The following MEMO1 variants were observed in gnomAD, a reference collection of about 807,000 sequenced individuals.
MEMO1 encodes mediator of cell motility 1.
A neutral mutation model predicts 45.2 loss-of-function variants in MEMO1; 6 were observed. The observed-to-expected ratio is 0.13, with a 90% CI of 0.07 to 0.26. MEMO1 has a LOEUF of 0.26. MEMO1 is among the 10% of genes least tolerant of loss of function. The probability of loss-of-function intolerance (pLI) is 1.00; values close to 1 mark genes in which losing one functional copy is unlikely to be tolerated. For synonymous variants in MEMO1, 78 were observed against 124.3 expected (o/e 0.63, Z 2.48); for missense variants, 184 against 370.5 (o/e 0.50, Z 4.13).
intron 6 of MEMO1, among the ~76,000 whole-genome samples, chr2:31,917,116 G>A (rs1015416223): frequency 6.6e-6 from 1 of 152,110 alleles, no homozygotes; most frequent in Non-Finnish European, 1.5e-5. Context: ...TATTTACTGA[G>A]AGCGTACAGA....
chr2:32,007,548 A>G (rs1019032822), intron 2 of MEMO1, among the ~76,000 whole-genome samples: 4 of 145,644 alleles, frequency 2.7e-5, no homozygotes, highest in Non-Finnish European at 4.5e-5. Context: ...ATGTACACAC[A>G]CTTTTTTTCT....
intron 6 of MEMO1, among the ~76,000 whole-genome samples, chr2:31,914,061 T>C (rs993128624): frequency 4.6e-5 from 7 of 152,068 alleles, no homozygotes; most frequent in African/African-American, 1.2e-4. Flanking sequence ...GAAGGGTGAG[T>C]GTCAACAGGC....
chr2:31,919,188 G>A (rs759209916), intron 5 of MEMO1, among the ~76,000 whole-genome samples: 1 of 151,762 alleles, frequency 6.6e-6, no homozygotes, highest in Non-Finnish European at 1.5e-5. Flanking sequence ...CTGGGTGACA[G>A]CATTTTGCTG....
At position 31,935,314 on chromosome 2, in the gene MEMO1, C is replaced by T. The variant is rs78899910; in HGVS notation, c.144-3179G>A. On this transcript the variant is annotated intron_variant, in intron 3 of 9. Coordinates refer to ENST00000404530, the MANE Select transcript of MEMO1 (RefSeq NM_001301833.4). ...ATAGGAAAAGCAATAAGCCTGAAAA[C>T]GAGAATTCTTACAGAGCATATACCC... is the stretch of plus-strand genomic sequence containing the variant. Among the ~76,000 whole-genome samples, 922 of 152,202 alleles carry T rather than the reference C, an allele frequency of 6.1e-3. 12 individuals carry two copies. Among genetic ancestry groups the T allele is most frequent in the African/African-American group, 0.021 (863 of 41,508 alleles).
intron 2 of MEMO1, among the ~76,000 whole-genome samples, chr2:31,964,729 A>AAAAATT (rs1280168957): frequency 1.3e-5 from 2 of 151,938 alleles, no homozygotes; most frequent in Non-Finnish European, 2.9e-5. Context: ...AATAAATAAT[A>AAAAATT]AAAATTAAAA....
chr2:31,939,273 T>C (rs1391463157), intron 3 of MEMO1, among the ~76,000 whole-genome samples: 4 of 152,206 alleles, frequency 2.6e-5, no homozygotes, highest in Non-Finnish European at 5.9e-5. Context: ...TTTATGTTTT[T>C]ATATGTTTAT....
intron 2 of MEMO1, among the ~76,000 whole-genome samples, chr2:31,964,380 G>T (rs1027514467): frequency 5.3e-5 from 8 of 152,048 alleles, no homozygotes; most frequent in Admixed American, 4.6e-4. Flanking sequence ...TGAATCTCAA[G>T]CAGTTTAAAA....
chr2:31,968,480 T>G (rs1668893041), intron 2 of MEMO1, among the ~76,000 whole-genome samples: 1 of 152,150 alleles, frequency 6.6e-6, no homozygotes, highest in Admixed American at 6.5e-5. Flanking sequence ...ATAGTATGAG[T>G]AGATTTCTAG....
At chr2:31,933,732 A>G (rs913361939) in intron 3 of MEMO1, among the ~76,000 whole-genome samples, 1 of 152,060 alleles carries the variant, frequency 6.6e-6, no homozygotes, top group South Asian at 2.1e-4. Flanking sequence ...GAAATCAGTG[A>G]AGGCCTTAAT....
At chr2:31,929,673 A>G (rs1175805762) in intron 4 of MEMO1, among the ~76,000 whole-genome samples, 1 of 152,190 alleles carries the variant, frequency 6.6e-6, no homozygotes, top group Non-Finnish European at 1.5e-5. Context: ...ACCCACTTTT[A>G]AATTCTGGAA....
intron 2 of MEMO1, among the ~76,000 whole-genome samples, chr2:31,952,879 A>G (rs991667252): frequency 2.0e-5 from 3 of 152,162 alleles, no homozygotes; most frequent in Admixed American, 6.6e-5. Flanking sequence ...TTTTATTTAC[A>G]TAACATTCTA....
At chr2:31,942,152 T>C (rs1179106520) in intron 3 of MEMO1, among the ~76,000 whole-genome samples, 1 of 152,174 alleles carries the variant, frequency 6.6e-6, no homozygotes, top group Non-Finnish European at 1.5e-5. Context: ...CAGACACACA[T>C]CATTAACTGT....
At chr2:31,965,315 C>T (rs190361873) in intron 2 of MEMO1, among the ~76,000 whole-genome samples, 1 of 150,282 alleles carries the variant, frequency 6.7e-6, no homozygotes, top group African/African-American at 2.5e-5. Flanking sequence ...GAAGGAGGGA[C>T]GGAGGGAGGA....
chr2:31,938,876 TC>T (rs904344836), intron 3 of MEMO1, among the ~76,000 whole-genome samples: 28 of 148,104 alleles, frequency 1.9e-4, no homozygotes, highest in Admixed American at 1.8e-3. Flanking sequence ...AGCCCCAACC[TC>T]CCGGGCTCAA....
chr2:32,010,950 C>T lies in MEMO1; in HGVS notation c.-26G>A, dbSNP rs896943295. 6.6e-6 allele frequency: 1 copy of T among 152,402 alleles called. No homozygotes were observed. Among genetic ancestry groups the T allele is most frequent in the Non-Finnish European group, 1.5e-5 (1 of 68,170 alleles). The allele number at this position is 152,402 out of a possible 1,614,324, so 9.4% of individuals were successfully genotyped here. A position where few individuals can be genotyped will look rare whatever the true frequency, so the allele number is the denominator to read the frequency against. On this transcript the variant is annotated 5_prime_UTR_variant, in exon 1 of 10. Transcript: ENST00000404530. ...AGCCAACGCTTCCTTACTCGCCACT[C>T]TAACGGGTCCTGCCCACTGAGCATG...
At chr2:31,952,188 T>C (rs569828191) in intron 2 of MEMO1, among the ~76,000 whole-genome samples, 9 of 152,220 alleles carry the variant, frequency 5.9e-5, no homozygotes, top group Non-Finnish European at 7.3e-5. Context: ...CGCCTTTATA[T>C]AAACCTCAAA....
At chr2:31,968,583 C>T (rs555460489) in intron 2 of MEMO1, among the ~76,000 whole-genome samples, 2 of 152,314 alleles carry the variant, frequency 1.3e-5, no homozygotes, top group East Asian at 3.9e-4. Flanking sequence ...ACAAGTCCCC[C>T]AAGAAGTGTC....
At chr2:32,004,191 A>G (rs1465760408) in intron 2 of MEMO1, among the ~76,000 whole-genome samples, 1 of 152,166 alleles carries the variant, frequency 6.6e-6, no homozygotes, top group Non-Finnish European at 1.5e-5. Flanking sequence ...AAATAAATAA[A>G]TAAGTAAATA....
chr2:31,963,012 C>T (rs1199017244), intron 2 of MEMO1, among the ~76,000 whole-genome samples: 2 of 152,234 alleles, frequency 1.3e-5, no homozygotes, highest in Non-Finnish European at 2.9e-5. Context: ...TTCCTCCTGA[C>T]TAAGCCTTCA....
Sources: allele counts gnomAD v4.1 joint callset (sites outside exome capture counted in the v4.1 genomes callset), GRCh38; gene constraint gnomAD v4.1.1; transcripts MANE v1.5; gene names NCBI Gene and HGNC (gene_info 2026-07-23, HGNC 2026-07-21).